SLAIN2: variants seen among roughly 807,000 people sequenced by gnomAD.
SLAIN2 encodes the protein SLAIN family member 2.
A neutral mutation model predicts 56.6 loss-of-function variants in SLAIN2; 31 were observed. The observed-to-expected ratio is 0.55, with a 90% CI of 0.41 to 0.74. SLAIN2 has a LOEUF of 0.74. Ranked by LOEUF, SLAIN2 falls within the 30% of genes least tolerant of loss-of-function variation. The pLI is 0.00. For synonymous variants in SLAIN2, 317 were observed against 284.9 expected, an observed-to-expected ratio of 1.11 and a Z score of -1.13; for missense variants, 777 against 754.2, an observed-to-expected ratio of 1.03 and a Z score of -0.35.
In SLAIN2 at chr4:48,382,919, A is replaced by T; in HGVS notation, c.1214A>T (p.Lys405Ile). The T allele has an allele frequency of 6.2e-7, 1 of 1,602,974 alleles. No individual in the cohort carries two copies. The highest frequency in any genetic ancestry group is 2.2e-5 in the East Asian group (1 of 44,618). Residue 405 changes from lysine to isoleucine, a missense_variant, in exon 5 of 8, where the codon AAA (lysine) becomes ATA (isoleucine). By Grantham distance (102) the Lys-to-Ile change is moderately radical. Transcript: ENST00000264313. The part of the protein sequence containing the change: ...HPTDLQTSNV[K>I]NEEKLRRSLP... The stretch of plus-strand genomic sequence containing the variant: ...ACAGATTTACAGACAAGCAATGTTA[A>T]AAATGAAGGTAAAATAGCAGATTTT...
chr4:48,353,798 A>G (rs549878880), intron 1 of SLAIN2, among the ~76,000 whole-genome samples: 12 of 152,334 alleles, frequency 7.9e-5, no homozygotes, highest in Non-Finnish European at 1.5e-5. Flanking sequence ...AAAACAGTTA[A>G]GATTATTGTA....
intron 2 of SLAIN2, among the ~76,000 whole-genome samples, chr4:48,370,424 A>C (rs1715633773): frequency 6.6e-6 from 1 of 152,210 alleles, no homozygotes; most frequent in Non-Finnish European, 1.5e-5. Flanking sequence ...CTGTCACTGC[A>C]TTATTTGACT....
intron 6 of SLAIN2, among the ~76,000 whole-genome samples, chr4:48,387,721 A>C (rs1293570700): frequency 6.6e-6 from 1 of 152,086 alleles, no homozygotes. Context: ...AAAATGTTTA[A>C]AACTTTGTTG....
chr4:48,414,361 A>C (rs938185640), intron 6 of SLAIN2, among the ~76,000 whole-genome samples: 4 of 152,204 alleles, frequency 2.6e-5, no homozygotes, highest in Non-Finnish European at 4.4e-5. Context: ...TAGCAGACTA[A>C]AGGAGGCCTG....
chr4:48,392,721 C>G (rs1024652190), intron 6 of SLAIN2, among the ~76,000 whole-genome samples: 1 of 152,006 alleles, frequency 6.6e-6, no homozygotes, highest in African/African-American at 2.4e-5. Flanking sequence ...CCTGATCACT[C>G]TATTTATAAT....
chr4:48,418,168 C>CT (rs531197622), intron 6 of SLAIN2, among the ~76,000 whole-genome samples: 112 of 143,636 alleles, frequency 7.8e-4, no homozygotes, highest in South Asian at 1.7e-3. Context: ...CCCTCTTCTT[C>CT]TTTTTTTTTT....
At position 48,362,586 on chromosome 4, in the gene SLAIN2, AT is replaced by A. The variant is rs768696698; in HGVS notation, c.390-7249del. On this transcript the variant is annotated intron_variant, in intron 1 of 7. Transcript: ENST00000264313. ...GGCACGTGCTACCATGCCCGGCTAC[AT>A]TTTTTTTTTTTTTAGTAGAAACAGG... Among the ~76,000 whole-genome samples the A allele has an allele frequency of 6.2e-3, 861 of 138,386 alleles. 1 individual carries two copies. Among genetic ancestry groups the A allele is most frequent in the Middle Eastern group, 7.2e-3 (2 of 276 alleles). The allele number at this position is 138,386 out of a possible 152,430, so 90.8% of individuals were successfully genotyped here. A position where few individuals can be genotyped will look rare whatever the true frequency, so the allele number is the denominator to read the frequency against.
At chr4:48,346,784 G>A (rs948606274) in intron 1 of SLAIN2, among the ~76,000 whole-genome samples, 1 of 150,816 alleles carries the variant, frequency 6.6e-6, no homozygotes, top group African/African-American at 2.4e-5. Flanking sequence ...TTGTGTATGT[G>A]TGTGGGTTAG....
At chr4:48,386,172 T>G (rs1716094757) in intron 6 of SLAIN2, among the ~76,000 whole-genome samples, 1 of 152,012 alleles carries the variant, frequency 6.6e-6, no homozygotes, top group Non-Finnish European at 1.5e-5. Flanking sequence ...ATTTTCCTTA[T>G]TTACAAGGTG....
intron 1 of SLAIN2, among the ~76,000 whole-genome samples, chr4:48,345,678 AT>A (rs570732278): frequency 1.9e-4 from 28 of 149,622 alleles, no homozygotes; most frequent in African/African-American, 4.7e-4. Context: ...CTTTTATTTT[AT>A]TTTTTTTTAG....
chr4:48,378,379 A>G (rs549534617), intron 3 of SLAIN2, among the ~76,000 whole-genome samples: 4 of 152,222 alleles, frequency 2.6e-5, no homozygotes, highest in Non-Finnish European at 5.9e-5. Context: ...TTGGGTTGTA[A>G]AAACTACAGA....
At chr4:48,371,334 A>G (rs1715659331) in intron 2 of SLAIN2, among the ~76,000 whole-genome samples, 2 of 151,898 alleles carry the variant, frequency 1.3e-5, no homozygotes, top group African/African-American at 4.8e-5. Flanking sequence ...CAGCCTCCCA[A>G]TCTGCTGGGA....
rs1193574091 is a variant in SLAIN2, at chr4:48,383,686, C to T, written c.1262C>T (p.Ser421Phe). 1 of 1,608,238 alleles carries T rather than the reference C, an allele frequency of 6.2e-7. No homozygotes were observed. Among genetic ancestry groups the T allele is most frequent in the Non-Finnish European group, 8.5e-7 (1 of 1,176,538 alleles). ...RRSLPNLSRT[S>F]NTQVDSVKSS... ...AGTCTTCCAAACCTGTCCCGAACAT[C>T]TAATACACAAGTTGACTCAGTGAAA... Residue 421 changes from serine (S) to phenylalanine (F), a missense_variant, in exon 6 of 8, where the codon TCT becomes TTT. Coordinates refer to ENST00000264313, the MANE Select transcript of SLAIN2 (RefSeq NM_020846.2).
chr4:48,403,254 C>G (rs1391281107), intron 6 of SLAIN2, among the ~76,000 whole-genome samples: 2 of 152,134 alleles, frequency 1.3e-5, no homozygotes, highest in African/African-American at 4.8e-5. Flanking sequence ...AGGTGTGGTG[C>G]TCTGGGGGGA....
chr4:48,423,866 G>T lies in SLAIN2; in HGVS notation c.*1789G>T, dbSNP rs1429114543. 1 of 152,128 alleles carries T rather than the reference G, an allele frequency of 6.6e-6. No homozygotes were observed. The highest frequency in any genetic ancestry group is 2.4e-5 in the African/African-American group (1 of 41,434). 9.4% of individuals were successfully genotyped at this position (152,128 alleles called of 1,614,324 possible). On this transcript the variant is annotated 3_prime_UTR_variant, in exon 8 of 8. Transcript: ENST00000264313. ...TAAAAAATGTTGCTTTTCAGAGGAAGATAAAGCATCTTCTTTTGGGAGGGG... is the reference window on the plus strand; with the variant it reads ...TAAAAAATGTTGCTTTTCAGAGGAATATAAAGCATCTTCTTTTGGGAGGGG...
intron 6 of SLAIN2, among the ~76,000 whole-genome samples, chr4:48,394,936 C>T (rs1716338801): frequency 6.6e-6 from 1 of 152,112 alleles, no homozygotes; most frequent in Non-Finnish European, 1.5e-5. Context: ...AACTTTTTGC[C>T]AACTGAACTT....
intron 6 of SLAIN2, among the ~76,000 whole-genome samples, chr4:48,405,886 A>G (rs1716680931): frequency 6.6e-6 from 1 of 152,224 alleles, no homozygotes; most frequent in African/African-American, 2.4e-5. Flanking sequence ...CTAGTTTACA[A>G]AATTAAAAAA....
intron 6 of SLAIN2, among the ~76,000 whole-genome samples, chr4:48,391,211 C>T (rs1227118978): frequency 6.6e-6 from 1 of 152,090 alleles, no homozygotes; most frequent in Non-Finnish European, 1.5e-5. Flanking sequence ...GGGTTGGAGG[C>T]ACACATTTCG....
intron 6 of SLAIN2, among the ~76,000 whole-genome samples, chr4:48,418,325 G>A (rs1717054026): frequency 6.6e-6 from 1 of 151,984 alleles, no homozygotes; most frequent in Non-Finnish European, 1.5e-5. Flanking sequence ...TGAGGTTGAG[G>A]AAATTTTCCC....
Sources: allele counts gnomAD v4.1 joint callset (sites outside exome capture counted in the v4.1 genomes callset), GRCh38; gene constraint gnomAD v4.1.1; transcripts MANE v1.5; gene names NCBI Gene and HGNC (gene_info 2026-07-23, HGNC 2026-07-21).